RNF220: variants seen among roughly 807,000 people sequenced by gnomAD.
The protein encoded by RNF220 is ring finger protein 220, also known as E3 ubiquitin-protein ligase RNF220.
Under a neutral mutation model 67.1 loss-of-function variants are expected in RNF220, and 7 were observed. That is an observed-to-expected ratio of 0.10 (90% CI 0.06 to 0.20). The LOEUF (loss-of-function observed/expected upper bound fraction) is 0.20. Ranked by LOEUF, RNF220 falls within the 10% of genes least tolerant of loss-of-function variation. RNF220 has a pLI of 1.00. For missense variants in RNF220, 565 were observed against 740.3 expected, an observed-to-expected ratio of 0.76 and a Z score of 2.75; for synonymous variants, 270 against 283.2, an observed-to-expected ratio of 0.95 and a Z score of 0.47.
chr1:44,536,507 G>A (rs1661232545), intron 2 of RNF220, among the ~76,000 whole-genome samples: 1 of 152,164 alleles, frequency 6.6e-6, no homozygotes, highest in African/African-American at 2.4e-5. Context: ...GCAGGCTGTG[G>A]GCCCTGTGTC....
At chr1:44,481,238 CAT>C (rs35201455) in intron 2 of RNF220, among the ~76,000 whole-genome samples, 1,992 of 152,158 alleles carry the variant, frequency 0.013, 39 homozygotes, top group African/African-American at 0.046. Context: ...GGTTGGGAAA[CAT>C]AGTGAGACTC....
chr1:44,628,065 G>A (rs955287288), intron 5 of RNF220, among the ~76,000 whole-genome samples: 18 of 152,186 alleles, frequency 1.2e-4, no homozygotes, highest in African/African-American at 3.4e-4. Flanking sequence ...ACACTGCCCC[G>A]ATCCAGACAA....
At chr1:44,604,867 G>A (rs1205580851) in intron 2 of RNF220, among the ~76,000 whole-genome samples, 1 of 152,250 alleles carries the variant, frequency 6.6e-6, no homozygotes, top group African/African-American at 2.4e-5. Flanking sequence ...AATGGAGGGA[G>A]AAGGAAAGAT....
chr1:44,516,068 A>G (rs1393322146), intron 2 of RNF220, among the ~76,000 whole-genome samples: 1 of 152,166 alleles, frequency 6.6e-6, no homozygotes, highest in African/African-American at 2.4e-5. Flanking sequence ...ATAGCAAAGG[A>G]GATATGGGTG....
intron 2 of RNF220, among the ~76,000 whole-genome samples, chr1:44,553,295 A>G (rs1227734512): frequency 6.6e-6 from 1 of 152,106 alleles, no homozygotes; most frequent in African/African-American, 2.4e-5. Context: ...TATTTTGTTT[A>G]TTGCTTGTGG....
chr1:44,527,623 G>T (rs1441319290), intron 2 of RNF220, among the ~76,000 whole-genome samples: 2 of 151,772 alleles, frequency 1.3e-5, no homozygotes, highest in Non-Finnish European at 1.5e-5. Context: ...TTAAATAGAT[G>T]AATTAAAAAT....
At chr1:44,608,099 T>A (rs1460455090) in intron 2 of RNF220, among the ~76,000 whole-genome samples, 3 of 151,994 alleles carry the variant, frequency 2.0e-5, no homozygotes, top group Non-Finnish European at 1.5e-5. Flanking sequence ...AATTTTTTAA[T>A]TTTTTTGTAG....
chr1:44,544,127 A>G (rs951970536), intron 2 of RNF220, among the ~76,000 whole-genome samples: 5 of 152,206 alleles, frequency 3.3e-5, no homozygotes, highest in Non-Finnish European at 7.4e-5. Context: ...GGACCACAGG[A>G]GACAACCACT....
chr1:44,633,047 G>C (rs1386746229), intron 6 of RNF220, among the ~76,000 whole-genome samples: 1 of 152,180 alleles, frequency 6.6e-6, no homozygotes, highest in South Asian at 2.1e-4. Flanking sequence ...GTGCTTACTG[G>C]GGTGTGGTAT....
chr1:44,451,855 G>A (rs888302465), intron 2 of RNF220, among the ~76,000 whole-genome samples: 30 of 152,080 alleles, frequency 2.0e-4, no homozygotes, highest in African/African-American at 7.0e-4. Context: ...TCCTGACCTC[G>A]TTATCCGCCC....
intron 2 of RNF220, among the ~76,000 whole-genome samples, chr1:44,486,317 A>C (rs1656301732): frequency 6.6e-6 from 1 of 152,232 alleles, no homozygotes; most frequent in Non-Finnish European, 1.5e-5. Context: ...CAGAGGCTCC[A>C]GCAGGGGCCA....
Position 44,622,503 on chromosome 1 carries a change from T to C in RNF220, c.759-239T>C, listed in dbSNP as rs1404689692. 6.6e-6 allele frequency among the ~76,000 whole-genome samples: 1 copy of C among 152,162 alleles called. No individual in the cohort carries two copies. Among genetic ancestry groups the C allele is most frequent in the Admixed American group, 6.5e-5 (1 of 15,282 alleles). ...CCACTGGGAAATCTACCATGCCTAGTGTCTGTGTCTCCCTCCCAGGGGCCA... is the reference window on the plus strand; with the variant it reads ...CCACTGGGAAATCTACCATGCCTAGCGTCTGTGTCTCCCTCCCAGGGGCCA... On this transcript the variant is annotated intron_variant, in intron 3 of 14. Transcript: ENST00000361799. This position sits in a 1 kb window ranked among gnomAD's most constrained non-coding sequence, Gnocchi z 4.3.
At chr1:44,605,296 C>CAAAAA (rs1553120199) in intron 2 of RNF220, among the ~76,000 whole-genome samples, 3 of 52,062 alleles carry the variant, frequency 5.8e-5, no homozygotes, top group African/African-American at 7.4e-5. Context: ...GACTCCGTCT[C>CAAAAA]AAAAAAAAAA....
intron 2 of RNF220, among the ~76,000 whole-genome samples, chr1:44,422,976 A>G (rs2147841328): frequency 6.6e-6 from 1 of 152,330 alleles, no homozygotes; most frequent in African/African-American, 2.4e-5. Context: ...CTGCATACCT[A>G]CATTGTTCCA....
At chr1:44,602,726 C>A (rs1033973357) in intron 2 of RNF220, among the ~76,000 whole-genome samples, 1 of 152,112 alleles carries the variant, frequency 6.6e-6, no homozygotes, top group East Asian at 1.9e-4. Flanking sequence ...CTCCTTAGTT[C>A]TCTCCTCTCC....
chr1:44,545,826 G>A (rs930562851), intron 2 of RNF220, among the ~76,000 whole-genome samples: 4 of 150,302 alleles, frequency 2.7e-5, no homozygotes, highest in Admixed American at 6.6e-5. Context: ...GCGCAAACTC[G>A]GCTCACTGCA....
At chr1:44,493,444 G>A (rs919922183) in intron 2 of RNF220, among the ~76,000 whole-genome samples, 1 of 152,114 alleles carries the variant, frequency 6.6e-6, no homozygotes, top group Non-Finnish European at 1.5e-5. Context: ...AACCTGGGAG[G>A]TGGAGGTTGC....
chr1:44,637,314 A>G (rs371124081), intron 8 of RNF220, among the ~76,000 whole-genome samples: 2 of 152,172 alleles, frequency 1.3e-5, no homozygotes, highest in Non-Finnish European at 2.9e-5. Context: ...ATAAATCAGG[A>G]AGGTTAGTCA....
intron 2 of RNF220, among the ~76,000 whole-genome samples, chr1:44,425,691 G>A (rs1649694941): frequency 6.6e-6 from 1 of 152,204 alleles, no homozygotes; most frequent in South Asian, 2.1e-4. Flanking sequence ...ATGGGAGATG[G>A]TAGATAATCC....
Sources: allele counts gnomAD v4.1 joint callset (sites outside exome capture counted in the v4.1 genomes callset), GRCh38; gene constraint gnomAD v4.1.1; non-coding constraint Gnocchi (gnomAD v3.1); transcripts MANE v1.5; gene names NCBI Gene and HGNC (gene_info 2026-07-23, HGNC 2026-07-21).